Variants in SEMA5A observed in about 807,000 individuals in gnomAD.
The protein encoded by SEMA5A is semaphorin 5A.
Under a neutral mutation model 135.5 loss-of-function variants are expected in SEMA5A, and 55 were observed. The ratio of observed to expected loss-of-function variants is 0.41; its 90% CI spans 0.33 to 0.51. The LOEUF (loss-of-function observed/expected upper bound fraction) is 0.51, where lower values mean the gene tolerates loss of function less well. Among genes scored for constraint, SEMA5A ranks in the 20% least tolerant of loss-of-function variants. SEMA5A has a pLI of 0.37. For synonymous variants in SEMA5A, 580 were observed against 546.5 expected (o/e 1.06, Z -0.85); for missense variants, 1,290 against 1,419.9 (o/e 0.91, Z 1.47).
chr5:9,223,242 G>A (rs1747101154), intron 8 of SEMA5A, among the ~76,000 whole-genome samples: 1 of 152,212 alleles, frequency 6.6e-6, no homozygotes, highest in South Asian at 2.1e-4. Context: ...ACTTGAGAAA[G>A]TTAATGACGA....
chr5:9,271,851 A>G (rs985251206), intron 5 of SEMA5A, among the ~76,000 whole-genome samples: 2 of 152,060 alleles, frequency 1.3e-5, no homozygotes, highest in Non-Finnish European at 2.9e-5. Flanking sequence ...CACTTTTCTC[A>G]CGCTCTTCAC....
chr5:9,108,253 T>C lies in SEMA5A; in HGVS notation c.1960A>G (p.Met654Val). The C allele has an allele frequency of 6.2e-7, 1 of 1,614,172 alleles. No homozygotes were observed. The highest frequency in any genetic ancestry group is 1.1e-5 in the South Asian group (1 of 91,084). Reference protein sequence around the residue: ...CNEHLLCPPHMFWTGWGPWER... With the variant: ...CNEHLLCPPHVFWTGWGPWER... The stretch of plus-strand genomic sequence containing the variant: ...CAAGGACCCCAGCCTGTCCAGAACA[T>C]GTGTGGGGGACATAGCAAATGTTCA... Residue 654 changes from methionine (M) to valine (V), a missense_variant, in exon 16 of 23, where the codon ATG (methionine) becomes GTG (valine). Physicochemically the swap from Met to Val is conservative, Grantham distance 21. Coordinates refer to ENST00000382496, the MANE Select transcript of SEMA5A (RefSeq NM_003966.3).
chr5:9,150,415 C>A (rs1441796831), intron 12 of SEMA5A, among the ~76,000 whole-genome samples: 2 of 152,152 alleles, frequency 1.3e-5, no homozygotes, highest in African/African-American at 4.8e-5. Flanking sequence ...ACCACCAATT[C>A]CAATGAGTTA....
At chr5:9,070,358 G>T (rs1367495414) in intron 16 of SEMA5A, among the ~76,000 whole-genome samples, 3 of 152,118 alleles carry the variant, frequency 2.0e-5, no homozygotes, top group Non-Finnish European at 4.4e-5. Context: ...GCAGCAGAGT[G>T]AGACTCCATC....
chr5:9,397,011 G>A (rs930431845), intron 2 of SEMA5A, among the ~76,000 whole-genome samples: 2 of 151,210 alleles, frequency 1.3e-5, no homozygotes, highest in East Asian at 1.9e-4. Flanking sequence ...TTCTACTGAG[G>A]AAGAGGGAAA....
At chr5:9,328,669 G>A (rs932319876) in intron 4 of SEMA5A, among the ~76,000 whole-genome samples, 10 of 152,224 alleles carry the variant, frequency 6.6e-5, no homozygotes, top group East Asian at 3.9e-4. Flanking sequence ...TCAGCTACTC[G>A]GGAGGCTGAG....
intron 5 of SEMA5A, among the ~76,000 whole-genome samples, chr5:9,259,617 T>C (rs1205679163): frequency 2.0e-5 from 3 of 152,100 alleles, no homozygotes; most frequent in African/African-American, 7.2e-5. Context: ...TTGTTGACTT[T>C]CTGTCTCCCT....
chr5:9,334,429 AATTCCT>A (rs1305534413), intron 4 of SEMA5A, among the ~76,000 whole-genome samples: 1 of 152,188 alleles, frequency 6.6e-6, no homozygotes, highest in Non-Finnish European at 1.5e-5. Context: ...TCCCAGGTGA[AATTCCT>A]ATTCTCTTCT....
At chr5:9,334,363 T>C (rs924284714) in intron 4 of SEMA5A, among the ~76,000 whole-genome samples, 1 of 152,190 alleles carries the variant, frequency 6.6e-6, no homozygotes, top group African/African-American at 2.4e-5. Flanking sequence ...ATTTTTAAAG[T>C]TTTATATCTT....
At chr5:9,237,967 A>C in intron 5 of SEMA5A, 77 bp from the exon 6 acceptor site, 1 of 1,329,404 alleles carries the variant, frequency 7.5e-7, no homozygotes, top group Non-Finnish European at 1.1e-6. Context: ...GTAACAAGGC[A>C]CTGGTAACCA....
At chr5:9,510,064 C>A (rs769418782) in intron 1 of SEMA5A, among the ~76,000 whole-genome samples, 4 of 152,036 alleles carry the variant, frequency 2.6e-5, no homozygotes, top group Admixed American at 2.6e-4. Flanking sequence ...CAAGGGGCCA[C>A]GACGGTGGAA....
intron 8 of SEMA5A, among the ~76,000 whole-genome samples, chr5:9,203,561 A>G (rs1248243648): frequency 6.6e-6 from 1 of 152,218 alleles, no homozygotes; most frequent in African/African-American, 2.4e-5. Flanking sequence ...CTACTCTGTT[A>G]TTCTGTCCAG....
chr5:9,257,895 G>A (rs1561079133), intron 5 of SEMA5A, among the ~76,000 whole-genome samples: 1 of 152,152 alleles, frequency 6.6e-6, no homozygotes. Context: ...CAGTAACTGA[G>A]GCCTCAGAAG....
chr5:9,530,692 T>C (rs1393754568), intron 1 of SEMA5A, among the ~76,000 whole-genome samples: 1 of 152,140 alleles, frequency 6.6e-6, no homozygotes, highest in Admixed American at 6.5e-5. Context: ...ACCACTCAAC[T>C]CAGACCTCAG....
At chr5:9,461,015 T>C (rs1196782160) in intron 1 of SEMA5A, among the ~76,000 whole-genome samples, 2 of 152,226 alleles carry the variant, frequency 1.3e-5, no homozygotes, top group East Asian at 1.9e-4. Flanking sequence ...TCACTTCTCT[T>C]GGTCTTAACT....
intron 17 of SEMA5A, 32 bp downstream of exon 17, chr5:9,066,389 A>G (rs770334575): frequency 6.3e-7 from 1 of 1,593,422 alleles, no homozygotes; most frequent in Non-Finnish European, 8.6e-7. Context: ...CTTCCATGGA[A>G]GTGGGTCAGT....
chr5:9,310,452 C>CA (rs965173503), intron 5 of SEMA5A, among the ~76,000 whole-genome samples: 1 of 151,660 alleles, frequency 6.6e-6, no homozygotes, highest in Non-Finnish European at 1.5e-5. Flanking sequence ...CAAAGATAGG[C>CA]AAAAAAATAA....
rs80234953 is a variant in SEMA5A at position 9,119,377 on chromosome 5, T to C, written c.1782-236A>G. Among the ~76,000 whole-genome samples the C allele has an allele frequency of 3.0e-4, 46 of 152,342 alleles. No individual in the cohort carries two copies. The East Asian group carries it at 8.7e-3, about 29-fold the overall frequency. ...GATAGGAAATTTGAGAATAAAGTTT[T>C]AAGTGCACCATAAATAATGGACTAT... On this transcript the variant is annotated intron_variant, in intron 14 of 22. Coordinates refer to ENST00000382496, the MANE Select transcript of SEMA5A (RefSeq NM_003966.3).
chr5:9,495,888 G>A (rs905279631), intron 1 of SEMA5A, among the ~76,000 whole-genome samples: 20 of 151,904 alleles, frequency 1.3e-4, no homozygotes, highest in South Asian at 6.2e-4. Flanking sequence ...TTACCTGATC[G>A]ACTGAATACT....
Sources: gnomAD v4.1 joint callset for allele counts (sites outside exome capture counted in the v4.1 genomes callset) on GRCh38, gnomAD v4.1.1 for gene constraint, MANE v1.5 for transcripts, NCBI Gene and HGNC (gene_info 2026-07-23, HGNC 2026-07-21) for gene names.